The following TRPM3 variants were observed in gnomAD, a reference collection of about 807,000 sequenced individuals.
TRPM3 encodes long transient receptor potential channel 3.
Under a neutral mutation model 181.2 loss-of-function variants are expected in TRPM3, and 77 were observed. The observed-to-expected ratio is 0.42, with a 90% CI of 0.35 to 0.51. TRPM3 has a LOEUF of 0.51. Among genes scored for constraint, TRPM3 ranks in the 20% least tolerant of loss-of-function variants. The pLI, the probability that TRPM3 is intolerant of heterozygous loss-of-function variation, is 0.01. For missense variants in TRPM3, 1,759 were observed against 2,196.7 expected, an observed-to-expected ratio of 0.80 and a Z score of 3.98; for synonymous variants, 745 against 796.4, an observed-to-expected ratio of 0.94 and a Z score of 1.09.
At chr9:71,280,123 T>C (rs2084585970) in intron 1 of TRPM3, among the ~76,000 whole-genome samples, 1 of 151,788 alleles carries the variant, frequency 6.6e-6, no homozygotes, top group Non-Finnish European at 1.5e-5. Flanking sequence ...TCCCCTTTTA[T>C]TGTGTAATGT....
chr9:70,997,629 CCTT>C (rs1489956948), intron 1 of TRPM3, among the ~76,000 whole-genome samples: 1 of 152,142 alleles, frequency 6.6e-6, no homozygotes, highest in Non-Finnish European at 1.5e-5. Flanking sequence ...AAACTGTGCT[CCTT>C]CTCCTAAGAT....
At chr9:70,564,415 C>T (rs1281286653) in intron 22 of TRPM3, among the ~76,000 whole-genome samples, 17 of 152,268 alleles carry the variant, frequency 1.1e-4, no homozygotes, top group Non-Finnish European at 2.9e-5. Flanking sequence ...AGCTGGAGTC[C>T]ATTCTCATTG....
chr9:70,916,924 A>T, intron 1 of TRPM3: 1 of 1,058,688 alleles, frequency 9.4e-7, no homozygotes, highest in Non-Finnish European at 1.4e-6. Context: ...TTCTCTTTAG[A>T]TACTGATGGT....
chr9:70,845,524 GCCACCATA>G (rs1224486468), intron 4 of TRPM3, among the ~76,000 whole-genome samples: 1 of 152,264 alleles, frequency 6.6e-6, no homozygotes, highest in African/African-American at 2.4e-5. Context: ...ACAGGCATGA[GCCACCATA>G]CCTGGCCCGA....
At chr9:71,409,792 C>A (rs904733542) in intron 1 of TRPM3, among the ~76,000 whole-genome samples, 3 of 152,206 alleles carry the variant, frequency 2.0e-5, no homozygotes, top group Admixed American at 6.5e-5. Context: ...CACCCCAAAT[C>A]AACAGAATAT....
intron 1 of TRPM3, among the ~76,000 whole-genome samples, chr9:71,398,539 G>C (rs1226456635): frequency 6.6e-6 from 1 of 152,074 alleles, no homozygotes; most frequent in Non-Finnish European, 1.5e-5. Context: ...GAGTTCTCAG[G>C]AGATCTGATG....
rs5898183 is a variant in TRPM3 at position 71,187,889 on chromosome 9, TGATAGATAGATAGATAGATA to T, written c.183+258744_183+258763del. Among the ~76,000 whole-genome samples the T allele has an allele frequency of 1.5e-3, 224 of 146,212 alleles. 1 individual carries two copies. The highest frequency in any genetic ancestry group is 2.6e-3 in the African/African-American group (104 of 39,692). On this transcript the variant is annotated intron_variant, in intron 1 of 24. Transcript: ENST00000357533. The stretch of plus-strand genomic sequence containing the variant: ...TCTTCAAGACAGACAGGCAGACAGA[TGATAGATAGATAGATAGATA>T]GATAGATAGATAGATAGATAGATAG...
chr9:71,346,896 AG>A (rs1293690093), intron 1 of TRPM3, among the ~76,000 whole-genome samples: 24 of 390 alleles, frequency 0.062, no homozygotes, highest in African/African-American at 0.12. Flanking sequence ...TTTTCTGGGC[AG>A]CACGGATAGT....
At chr9:70,890,362 A>G (rs2096178944) in intron 1 of TRPM3, among the ~76,000 whole-genome samples, 1 of 152,028 alleles carries the variant, frequency 6.6e-6, no homozygotes, top group Non-Finnish European at 1.5e-5. Context: ...TCAGTAATAA[A>G]GGTTTCCAGC....
intron 6 of TRPM3, among the ~76,000 whole-genome samples, chr9:70,800,309 C>T (rs549496107): frequency 6.6e-6 from 1 of 152,292 alleles, no homozygotes; most frequent in Non-Finnish European, 1.5e-5. Flanking sequence ...ATAGTTTATA[C>T]CTGTCATCCC....
chr9:71,248,522 C>CAT, intron 1 of TRPM3, among the ~76,000 whole-genome samples: 1 of 152,326 alleles, frequency 6.6e-6, no homozygotes, highest in Admixed American at 6.5e-5. Context: ...TTGGAACCAT[C>CAT]ATATCTCAGT....
chr9:70,999,235 A>C (rs570220163), intron 1 of TRPM3, among the ~76,000 whole-genome samples: 12 of 152,344 alleles, frequency 7.9e-5, no homozygotes, highest in African/African-American at 2.9e-4. Flanking sequence ...CTGTCTATCC[A>C]TCCGAAGTAG....
Position 70,640,609 on chromosome 9 carries a change from CT to C in TRPM3, c.1396del (p.Arg466GlufsTer29). ...GATCTGGCTGCGAGCGATGTCGACT[CT>C]GTTCCAGGCTAAAGCTAAGCTCAGT... ...DQLSLALAWN[R>X]VDIARSQIFI... On this transcript the variant is annotated frameshift_variant, in exon 10 of 26. Transcript: ENST00000677713. LOFTEE classifies it high-confidence loss of function. 6.2e-7 allele frequency: 1 copy of C among 1,613,810 alleles called. No homozygotes were observed. Among genetic ancestry groups the C allele is most frequent in the Non-Finnish European group, 8.5e-7 (1 of 1,179,852 alleles).
At chr9:71,403,071 G>T (rs1294786226) in intron 1 of TRPM3, among the ~76,000 whole-genome samples, 1 of 152,154 alleles carries the variant, frequency 6.6e-6, no homozygotes, top group Non-Finnish European at 1.5e-5. Flanking sequence ...AGTGGATAAA[G>T]GCTCACCTAG....
At chr9:71,102,171 G>A (rs1458396318) in intron 1 of TRPM3, among the ~76,000 whole-genome samples, 1 of 152,102 alleles carries the variant, frequency 6.6e-6, no homozygotes, top group African/African-American at 2.4e-5. Context: ...TTCAGATGCA[G>A]AGCAAACACA....
chr9:71,404,642 T>C (rs572412399), intron 1 of TRPM3, among the ~76,000 whole-genome samples: 43 of 152,246 alleles, frequency 2.8e-4, no homozygotes, highest in Non-Finnish European at 5.3e-4. Flanking sequence ...CACTAACCCA[T>C]TCTTAAAACT....
At chr9:71,406,655 C>T (rs899097612) in intron 1 of TRPM3, among the ~76,000 whole-genome samples, 3 of 152,064 alleles carry the variant, frequency 2.0e-5, no homozygotes, top group Non-Finnish European at 4.4e-5. Context: ...GAAATCAACC[C>T]AAAGGCATCT....
intron 1 of TRPM3, among the ~76,000 whole-genome samples, chr9:71,135,637 C>T (rs1046111722): frequency 5.9e-5 from 9 of 152,138 alleles, no homozygotes; most frequent in African/African-American, 2.2e-4. Flanking sequence ...TACTACAGAG[C>T]TCATGCAACA....
chr9:71,137,074 T>C (rs1286220792), intron 1 of TRPM3, among the ~76,000 whole-genome samples: 1 of 152,204 alleles, frequency 6.6e-6, no homozygotes, highest in Non-Finnish European at 1.5e-5. Context: ...CCTGTCAATA[T>C]TTATGTTTCA....
Sources: gnomAD v4.1 joint callset for allele counts (sites outside exome capture counted in the v4.1 genomes callset) on GRCh38, gnomAD v4.1.1 for gene constraint, MANE v1.5 for transcripts, NCBI Gene and HGNC (gene_info 2026-07-23, HGNC 2026-07-21) for gene names.